CSMD1: variants seen among roughly 807,000 people sequenced by gnomAD.
CSMD1 encodes CUB and Sushi multiple domains 1.
CSMD1 carries 213 observed loss-of-function variants against 417.5 expected under a neutral mutation model. The ratio of observed to expected loss-of-function variants is 0.51; its 90% CI spans 0.46 to 0.57. The LOEUF (loss-of-function observed/expected upper bound fraction) is 0.57, where lower values mean the gene tolerates loss of function less well. Ranked by LOEUF, CSMD1 falls within the 20% of genes least tolerant of loss-of-function variation. The pLI is 0.00. For synonymous variants in CSMD1, 2,862 were observed against 1,736.8 expected (o/e 1.65, Z -16.11); for missense variants, 6,923 against 4,529.7 (o/e 1.53, Z -15.17).
chr8:4,168,657 C>T (rs772818447), intron 3 of CSMD1, among the ~76,000 whole-genome samples: 5 of 152,038 alleles, frequency 3.3e-5, no homozygotes, highest in Admixed American at 6.6e-5. Context: ...CTCTGGAGTA[C>T]ATCATTCTCA....
intron 26 of CSMD1, among the ~76,000 whole-genome samples, chr8:3,241,933 C>A (rs1418869326): frequency 4.1e-5 from 6 of 147,000 alleles, no homozygotes; most frequent in Non-Finnish European, 9.0e-5. Flanking sequence ...ATGCCGGGAG[C>A]AGATTGGGTA....
intron 8 of CSMD1, among the ~76,000 whole-genome samples, chr8:3,589,390 G>GTC (rs1800746700): frequency 6.6e-6 from 1 of 151,910 alleles, no homozygotes; most frequent in South Asian, 2.1e-4. Context: ...GTGTGTGTGT[G>GTC]TGTGTGTGTG....
intron 5 of CSMD1, among the ~76,000 whole-genome samples, chr8:3,878,770 C>T (rs1193917446): frequency 6.6e-6 from 1 of 152,064 alleles, no homozygotes; most frequent in Non-Finnish European, 1.5e-5. Context: ...GTTATGCTTC[C>T]TGAGTTTGTG....
intron 41 of CSMD1, among the ~76,000 whole-genome samples, chr8:3,139,277 T>TA (rs1435714794): frequency 6.6e-6 from 1 of 152,006 alleles, no homozygotes; most frequent in Non-Finnish European, 1.5e-5. Flanking sequence ...ACGGAAAGCA[T>TA]AGGATGGAAA....
intron 3 of CSMD1, among the ~76,000 whole-genome samples, chr8:4,208,381 T>C (rs765289910): frequency 1.3e-5 from 2 of 152,214 alleles, no homozygotes; most frequent in South Asian, 2.1e-4. Flanking sequence ...CCCCAAGGAA[T>C]TGAGTTACTG....
At chr8:4,401,646 C>T (rs1018559022) in intron 3 of CSMD1, among the ~76,000 whole-genome samples, 3 of 152,106 alleles carry the variant, frequency 2.0e-5, no homozygotes, top group African/African-American at 7.2e-5. Context: ...TCGTACCCGA[C>T]CCTCCATCTC....
At chr8:3,465,600 A>G (rs1344837407) in intron 12 of CSMD1, among the ~76,000 whole-genome samples, 1 of 152,172 alleles carries the variant, frequency 6.6e-6, no homozygotes, top group Non-Finnish European at 1.5e-5. Flanking sequence ...TCTTAGGGTT[A>G]GAAGTGTGAT....
chr8:3,414,175 T>A, intron 12 of CSMD1, among the ~76,000 whole-genome samples: 1 of 111,932 alleles, frequency 8.9e-6, no homozygotes, highest in African/African-American at 3.6e-5. Context: ...GCAAACACTA[T>A]GATTTGGTAT....
At chr8:3,053,216 T>A (rs568856161) in intron 49 of CSMD1, among the ~76,000 whole-genome samples, 14 of 152,230 alleles carry the variant, frequency 9.2e-5, no homozygotes, top group Non-Finnish European at 1.6e-4. Context: ...AAGATAAGAC[T>A]GACCACTCTC....
intron 1 of CSMD1, among the ~76,000 whole-genome samples, chr8:4,815,694 C>CA (rs1218931391): frequency 0.12 from 7,913 of 67,296 alleles, 419 homozygotes; most frequent in African/African-American, 0.18. Context: ...AAAGCTGTCT[C>CA]AAAAAAAAAA....
At chr8:4,560,558 G>T (rs905022046) in intron 2 of CSMD1, among the ~76,000 whole-genome samples, 1 of 152,216 alleles carries the variant, frequency 6.6e-6, no homozygotes, top group Non-Finnish European at 1.5e-5. Flanking sequence ...TAGATACAGT[G>T]TGAGCTAAAA....
At chr8:4,166,927 G>A (rs1396156460) in intron 3 of CSMD1, among the ~76,000 whole-genome samples, 2 of 152,198 alleles carry the variant, frequency 1.3e-5, no homozygotes, top group Admixed American at 6.5e-5. Context: ...TCAGCAGCCA[G>A]GTGGGGTCAG....
intron 1 of CSMD1, among the ~76,000 whole-genome samples, chr8:4,772,621 T>A (rs1181983660): frequency 6.6e-6 from 1 of 152,114 alleles, no homozygotes; most frequent in Admixed American, 6.5e-5. Context: ...AGTATTTTTA[T>A]CATAAAGAAA....
chr8:3,854,473 T>C (rs896443677), intron 5 of CSMD1, among the ~76,000 whole-genome samples: 2 of 152,190 alleles, frequency 1.3e-5, no homozygotes, highest in African/African-American at 4.8e-5. Flanking sequence ...GCACACGTTA[T>C]AGCTGTATTA....
intron 25 of CSMD1, among the ~76,000 whole-genome samples, chr8:3,301,859 G>C (rs562855729): frequency 6.6e-6 from 1 of 152,260 alleles, no homozygotes; most frequent in South Asian, 2.1e-4. Flanking sequence ...AAAGTCATGG[G>C]AATTCATAAT....
chr8:4,947,872 T>G (rs961783435), intron 1 of CSMD1, among the ~76,000 whole-genome samples: 3 of 152,130 alleles, frequency 2.0e-5, no homozygotes, highest in Non-Finnish European at 4.4e-5. Flanking sequence ...TATCATTTTG[T>G]GAACATATTG....
chr8:3,342,306 A>G (rs961254585), intron 23 of CSMD1, among the ~76,000 whole-genome samples: 2 of 152,134 alleles, frequency 1.3e-5, no homozygotes, highest in Non-Finnish European at 2.9e-5. Flanking sequence ...GATGATTATT[A>G]TCTTTTGCAG....
intron 4 of CSMD1, among the ~76,000 whole-genome samples, chr8:4,001,736 A>G (rs1316056213): frequency 6.6e-6 from 1 of 152,230 alleles, no homozygotes; most frequent in East Asian, 1.9e-4. Context: ...CAGCATGAGT[A>G]CTAGGCTCAC....
chr8:4,489,849 G>A (rs564069448), intron 2 of CSMD1, among the ~76,000 whole-genome samples: 3 of 152,246 alleles, frequency 2.0e-5, no homozygotes, highest in African/African-American at 2.4e-5. Flanking sequence ...TTGTGAGGTC[G>A]TAAGCAGGGT....
Sources: allele counts gnomAD v4.1 joint callset (sites outside exome capture counted in the v4.1 genomes callset), GRCh38; gene constraint gnomAD v4.1.1; transcripts MANE v1.5; gene names NCBI Gene and HGNC (gene_info 2026-07-23, HGNC 2026-07-21).